Variants in FAM120C observed in about 807,000 individuals in gnomAD.
The protein encoded by FAM120C is family with sequence similarity 120 member C.
A neutral mutation model predicts 71.2 loss-of-function variants in FAM120C; 14 were observed. That is an observed-to-expected ratio of 0.20 (90% confidence interval 0.13 to 0.31). The LOEUF (loss-of-function observed/expected upper bound fraction) is 0.31, where lower values mean the gene tolerates loss of function less well. Among genes scored for constraint, FAM120C ranks in the 10% least tolerant of loss-of-function variants. FAM120C has a pLI of 1.00. For missense variants in FAM120C, 500 were observed against 879.0 expected (o/e 0.57, Z 5.45); for synonymous variants, 354 against 353.2 (o/e 1.00, Z -0.03).
chrX:54,133,434 AG>A (rs782170348), intron 8 of FAM120C, among the ~76,000 whole-genome samples: 3 of 112,774 alleles, frequency 2.7e-5, no homozygotes, highest in Non-Finnish European at 5.6e-5. Context: ...AGACCAGAGG[AG>A]GGGAACAGCT....
chrX:54,135,768 T>C (rs112587107), intron 5 of FAM120C, among the ~76,000 whole-genome samples, 164 bp from the exon 6 acceptor site: 41 of 111,906 alleles, frequency 3.7e-4, no homozygotes, highest in African/African-American at 1.3e-3. Context: ...AATTATTTCA[T>C]CTGATAAGAA....
intron 2 of FAM120C, 78 bp from the exon 3 acceptor site, chrX:54,157,849 G>A: frequency 1.6e-6 from 1 of 621,517 alleles, no homozygotes; most frequent in Non-Finnish European, 2.6e-6. Context: ...GGTCCTGGGA[G>A]AGAAAATGAT....
intron 13 of FAM120C, among the ~76,000 whole-genome samples, chrX:54,083,433 CCACACA>C (rs781964795): frequency 0.037 from 2,922 of 78,881 alleles, 150 homozygotes; most frequent in African/African-American, 0.13. Flanking sequence ...GACCCCATCT[CCACACA>C]CACACACACA....
intron 9 of FAM120C, among the ~76,000 whole-genome samples, chrX:54,117,354 A>AAAAATAAAATAAAATAAAAT (rs140650427): frequency 0.032 from 1,946 of 60,338 alleles, 55 homozygotes; most frequent in Non-Finnish European, 0.043. Context: ...TCCTGTCTCT[A>AAAAATAAAATAAAATAAAAT]AAAATAAAAT....
chrX:54,068,660 C>T lies in FAM120C; in HGVS notation c.*4373G>A, dbSNP rs1358948793. The T allele has an allele frequency of 3.6e-5, 4 of 111,704 alleles. No homozygotes were observed. Among genetic ancestry groups the T allele is most frequent in the African/African-American group, 1.3e-4 (4 of 30,723 alleles). The allele number at this position is 111,704 out of a possible 1,213,427, so 9.2% of individuals were successfully genotyped here. ...AGGAGATAGTAATACAGGAAAAAAA[C>T]AATGAAATAATTTTTTACTTTTGTC... is the stretch of plus-strand genomic sequence containing the variant. On this transcript the variant is annotated 3_prime_UTR_variant, in exon 16 of 16. Coordinates refer to ENST00000375180, the MANE Select transcript of FAM120C (RefSeq NM_017848.6).
chrX:54,103,896 C>T (rs2066893917), intron 10 of FAM120C, among the ~76,000 whole-genome samples: 1 of 111,224 alleles, frequency 9.0e-6, no homozygotes, highest in African/African-American at 3.3e-5. Flanking sequence ...TGAATGAACA[C>T]TAGTTCTTAT....
At chrX:54,097,205 C>A in intron 10 of FAM120C, among the ~76,000 whole-genome samples, 1 of 112,147 alleles carries the variant, frequency 8.9e-6, no homozygotes, top group Non-Finnish European at 1.9e-5. Context: ...ACAACACATG[C>A]AGAAAGAAGA....
intron 1 of FAM120C, among the ~76,000 whole-genome samples, chrX:54,172,057 T>C (rs2067291347): frequency 1.8e-5 from 2 of 112,672 alleles, no homozygotes; most frequent in Non-Finnish European, 1.9e-5. Flanking sequence ...GTTTATCTCT[T>C]GCCAAATGAG....
chrX:54,141,215 A>AC (rs1358354858), intron 4 of FAM120C, among the ~76,000 whole-genome samples: 1 of 111,744 alleles, frequency 8.9e-6, no homozygotes, highest in African/African-American at 3.2e-5. Context: ...TAAGGACAGC[A>AC]CAAAAAAATT....
At chrX:54,146,009 G>C (rs1208080955) in intron 4 of FAM120C, among the ~76,000 whole-genome samples, 2 of 111,760 alleles carry the variant, frequency 1.8e-5, no homozygotes, top group East Asian at 2.8e-4. Flanking sequence ...CCTTTGTAGG[G>C]ACATGGATGA....
Position 54,183,046 on chromosome X carries a change from G to C in FAM120C, c.153C>G (p.Pro51=), listed in dbSNP as rs782138480. 3.5e-6 allele frequency: 4 copies of C among 1,155,644 alleles called. No homozygotes were observed. The African/African-American group carries it at 7.2e-5, about 21-fold the overall frequency. ...RQLPPTAALA[P]GAPRAARGSV... ...AGCCCCTGGCGGCGCGTGGAGCCCC[G>C]GGCGCTAGGGCTGCAGTCGGCGGCA... The change falls in exon 1 of 16, where the codon CCC becomes CCG. Residue 51 remains proline, a synonymous_variant. Transcript: ENST00000375180.
At chrX:54,169,986 A>C (rs1645507063) in intron 1 of FAM120C, among the ~76,000 whole-genome samples, 1 of 111,804 alleles carries the variant, frequency 8.9e-6, no homozygotes, top group African/African-American at 3.3e-5. Flanking sequence ...CTTCCCTCTC[A>C]ACTGTAGGAA....
intron 9 of FAM120C, among the ~76,000 whole-genome samples, chrX:54,131,259 G>T (rs1425798566): frequency 1.8e-5 from 2 of 110,770 alleles, no homozygotes; most frequent in African/African-American, 3.3e-5. Flanking sequence ...TGTTCCCAAA[G>T]CCCAGTATGG....
At chrX:54,118,699 CTTTTTTTTTTT>C (rs1187381929) in intron 9 of FAM120C, among the ~76,000 whole-genome samples, 8 of 31,730 alleles carry the variant, frequency 2.5e-4, no homozygotes, top group African/African-American at 9.8e-4. Flanking sequence ...TTCTTTTTTT[CTTTTTTTTTTT>C]TTTTTTTTTT....
chrX:54,136,454 A>G (rs2067095083), intron 5 of FAM120C, 37 bp downstream of exon 5: 2 of 1,065,199 alleles, frequency 1.9e-6, no homozygotes, highest in East Asian at 6.0e-5. Flanking sequence ...AGTTTCCCCT[A>G]TGAACAGAGC....
chrX:54,151,403 G>A, intron 3 of FAM120C, 30 bp from the exon 4 acceptor site: 1 of 1,187,618 alleles, frequency 8.4e-7, no homozygotes, highest in Non-Finnish European at 1.1e-6. Flanking sequence ...AAGGGACACT[G>A]ACATCAAAGA....
intron 9 of FAM120C, among the ~76,000 whole-genome samples, chrX:54,131,249 TGTTCCCAAAGCCCAGTATG>T (rs2067064484): frequency 9.0e-6 from 1 of 111,156 alleles, no homozygotes; most frequent in Non-Finnish European, 1.9e-5. Context: ...TACACCTCTA[TGTTCCCAAAGCCCAGTATG>T]GTTCTTTCTT....
At position 54,092,064 on chromosome X, in the gene FAM120C, T is replaced by C. The variant is rs1250378580; in HGVS notation, c.2313-638A>G. Among the ~76,000 whole-genome samples, 4 of 111,096 alleles carry C rather than the reference T, an allele frequency of 3.6e-5. No individual in the cohort carries two copies. In the East Asian group the frequency reaches 1.1e-3, roughly 31 times the overall value. On this transcript the variant is annotated intron_variant, in intron 10 of 15. Transcript: ENST00000375180. ...CCAGAACGTTTTAACAGAAAGAGTA[T>C]GAATTTTGAAGAGAGAAGATCTCAA...
intron 10 of FAM120C, among the ~76,000 whole-genome samples, chrX:54,102,907 A>G (rs184942817): frequency 7.3e-5 from 8 of 109,674 alleles, no homozygotes; most frequent in African/African-American, 2.7e-4. Context: ...TTTAGTAGAG[A>G]CGGGGTTTCA....
Sources: allele counts gnomAD v4.1 joint callset (sites outside exome capture counted in the v4.1 genomes callset), GRCh38; gene constraint gnomAD v4.1.1; transcripts MANE v1.5; gene names NCBI Gene and HGNC (gene_info 2026-07-23, HGNC 2026-07-21).